The following ZNF652 variants were observed in gnomAD, a reference collection of about 807,000 sequenced individuals.
The protein encoded by ZNF652 is zinc finger protein 652.
In ZNF652, 16 loss-of-function variants were observed where a neutral mutation model predicts 45.2. The observed-to-expected ratio is 0.35, with a 90% CI of 0.24 to 0.54. The LOEUF is 0.54. ZNF652 is among the 20% of genes least tolerant of loss of function. ZNF652 has a pLI of 0.91. For synonymous variants in ZNF652, 250 were observed against 260.6 expected, an observed-to-expected ratio of 0.96 and a Z score of 0.39; for missense variants, 614 against 765.6, an observed-to-expected ratio of 0.80 and a Z score of 2.34.
rs989236175 is a variant in ZNF652 at position 49,296,158 on chromosome 17, G to C, written c.*2255C>G. On this transcript the variant is annotated 3_prime_UTR_variant, in exon 6 of 6. Transcript: ENST00000430262. Reference sequence around the variant, plus strand: ...CTAAAGATATAACAGTCATATGCAAGGAATTAACTTTCCTTATTGGCTTGG... The same window carrying C: ...CTAAAGATATAACAGTCATATGCAACGAATTAACTTTCCTTATTGGCTTGG... 3.3e-5 allele frequency: 5 copies of C among 152,296 alleles called. No homozygotes were observed. The highest frequency in any genetic ancestry group is 7.3e-5 in the African/African-American group (3 of 41,378). 9.4% of individuals were successfully genotyped at this position (152,296 alleles called of 1,614,324 possible).
chr17:49,336,290 T>C, intron 1 of ZNF652, among the ~76,000 whole-genome samples: 1 of 150,002 alleles, frequency 6.7e-6, no homozygotes, highest in South Asian at 2.1e-4. Flanking sequence ...CCCAGAGTGC[T>C]GGGATTACAG....
At chr17:49,326,466 A>C (rs1226073592) in intron 1 of ZNF652, among the ~76,000 whole-genome samples, 1 of 152,164 alleles carries the variant, frequency 6.6e-6, no homozygotes, top group African/African-American at 2.4e-5. Flanking sequence ...AAAGGTATTC[A>C]TCCTCCTAAG....
intron 5 of ZNF652, 24 bp downstream of exon 5, chr17:49,311,288 G>T (rs753597234): frequency 5.0e-6 from 8 of 1,612,476 alleles, no homozygotes. Flanking sequence ...GACATTATCT[G>T]TACCTTTCCC....
At chr17:49,305,108 A>G (rs2069611087) in intron 5 of ZNF652, among the ~76,000 whole-genome samples, 1 of 152,070 alleles carries the variant, frequency 6.6e-6, no homozygotes, top group Non-Finnish European at 1.5e-5. Flanking sequence ...TATACCCCAC[A>G]TCTGGGACTA....
At chr17:49,327,771 A>G (rs2069978565) in intron 1 of ZNF652, among the ~76,000 whole-genome samples, 3 of 3,524 alleles carry the variant, frequency 8.5e-4, no homozygotes, top group African/African-American at 5.2e-3. Context: ...ATATATATAT[A>G]TATATATATT....
At chr17:49,304,751 G>A (rs2069603683) in intron 5 of ZNF652, among the ~76,000 whole-genome samples, 1 of 152,054 alleles carries the variant, frequency 6.6e-6, no homozygotes, top group African/African-American at 2.4e-5. Flanking sequence ...AACCTACAGA[G>A]AAGATAGAAA....
In ZNF652 at chr17:49,303,247, C is replaced by CTTTTTTTTTTTTTTTTT. The variant is rs779042339; in HGVS notation, c.1310-4324_1310-4323insAAAAAAAAAAAAAAAAA. ...GTGATGTTTTATTCTTTACGCTTAT[C>CTTTTTTTTTTTTTTTTT]TTTTTTTTTTTGAGACAGGGTCTCA... On this transcript the variant is annotated intron_variant, in intron 5 of 5. Coordinates refer to ENST00000430262, the MANE Select transcript of ZNF652 (RefSeq NM_001145365.3). Among the ~76,000 whole-genome samples, 66 of 121,768 alleles carry CTTTTTTTTTTTTTTTTT rather than the reference C, an allele frequency of 5.4e-4. 5 individuals carry two copies. Among genetic ancestry groups the CTTTTTTTTTTTTTTTTT allele is most frequent in the East Asian group, 9.9e-4 (4 of 4,028 alleles). 79.9% of individuals were successfully genotyped at this position (121,768 alleles called of 152,430 possible). A position where few individuals can be genotyped will look rare whatever the true frequency, so the allele number is the denominator to read the frequency against.
chr17:49,313,041 C>T (rs2069739212), intron 2 of ZNF652, among the ~76,000 whole-genome samples, 196 bp from the exon 3 acceptor site: 1 of 152,194 alleles, frequency 6.6e-6, no homozygotes, highest in Admixed American at 6.5e-5. Flanking sequence ...TTTAGACACT[C>T]TTTGGGAGTA....
downstream of ZNF652, among the ~76,000 whole-genome samples, chr17:49,288,770 C>T (rs868639781): frequency 1.3e-5 from 2 of 151,926 alleles, no homozygotes; most frequent in Non-Finnish European, 2.9e-5. Flanking sequence ...GGAAAGATGC[C>T]TCATCCCAAG....
chr17:49,362,295 C>T (rs968865886), upstream of ZNF652: 1 of 150,918 alleles, frequency 6.6e-6, no homozygotes, highest in Non-Finnish European at 1.5e-5. Flanking sequence ...GGCCCCTTCC[C>T]TCGCTGGCCC....
chr17:49,338,275 T>C (rs2070107380), intron 1 of ZNF652, among the ~76,000 whole-genome samples: 1 of 151,974 alleles, frequency 6.6e-6, no homozygotes, highest in Admixed American at 6.6e-5. Flanking sequence ...CGTCAGCCAC[T>C]GCACTCCACC....
intron 5 of ZNF652, among the ~76,000 whole-genome samples, chr17:49,301,927 G>A (rs1229504887): frequency 6.6e-6 from 1 of 151,222 alleles, no homozygotes; most frequent in Non-Finnish European, 1.5e-5. Context: ...ATCAATTATA[G>A]TATATTTGTT....
intron 1 of ZNF652, among the ~76,000 whole-genome samples, chr17:49,339,266 G>C (rs1423079697): frequency 7.7e-6 from 1 of 129,264 alleles, no homozygotes; most frequent in Non-Finnish European, 1.6e-5. Flanking sequence ...GCAGTGGCAT[G>C]ATCTCGGCTC....
chr17:49,335,077 A>C (rs1396231165), intron 1 of ZNF652, among the ~76,000 whole-genome samples: 2 of 152,208 alleles, frequency 1.3e-5, no homozygotes, highest in Non-Finnish European at 2.9e-5. Context: ...AATATACCAA[A>C]AACTGCAGAC....
At chr17:49,349,013 G>GGAAC (rs1349189086) in intron 1 of ZNF652, among the ~76,000 whole-genome samples, 1 of 152,124 alleles carries the variant, frequency 6.6e-6, no homozygotes, top group African/African-American at 2.4e-5. Context: ...GCTAATGGAA[G>GGAAC]GAACACTTAA....
intron 1 of ZNF652, among the ~76,000 whole-genome samples, chr17:49,348,212 G>A (rs1459977239): frequency 6.6e-6 from 1 of 152,024 alleles, no homozygotes; most frequent in Admixed American, 6.6e-5. Context: ...CTGCAAGGAG[G>A]CTGCGCATGG....
At position 49,311,996 on chromosome 17, in the gene ZNF652, T is replaced by A; in HGVS notation, c.1095A>T (p.Ser365=). The A allele has an allele frequency of 6.2e-7, 1 of 1,614,030 alleles. No individual in the cohort carries two copies. Among genetic ancestry groups the A allele is most frequent in the Non-Finnish European group, 8.5e-7 (1 of 1,179,912 alleles). ...CCTTGAGTGACATACTGCGTTTGAA[T>A]GATTTTCCACAGGTTTCGCATGTAA... The part of the protein sequence containing the change: ...MPFTCETCGK[S]FKRSMSLKVH... Residue 365 remains serine (S), a synonymous_variant, in exon 4 of 6, where the codon TCA becomes TCT. Coordinates refer to ENST00000430262, the MANE Select transcript of ZNF652 (RefSeq NM_001145365.3).
chr17:49,360,114 T>G (rs2070377342), intron 1 of ZNF652, among the ~76,000 whole-genome samples: 1 of 152,240 alleles, frequency 6.6e-6, no homozygotes, highest in African/African-American at 2.4e-5. Flanking sequence ...CTCACATACA[T>G]TTCCTTTTTA....
Position 49,311,462 on chromosome 17 carries a change from T to C in ZNF652, c.1165-6A>G. 1 of 1,612,790 alleles carries C rather than the reference T, an allele frequency of 6.2e-7. No individual in the cohort carries two copies. The highest frequency in any genetic ancestry group is 8.5e-7 in the Non-Finnish European group (1 of 1,178,990). ...TGAAACCTTTCGTCACAGTTCTGCA[T>C]TGGATACAGTGGAGATTTTTGAATG... On this transcript the variant is annotated splice_polypyrimidine_tract_variant and splice_region_variant and intron_variant, in intron 4 of 5. Transcript: ENST00000430262.
Sources: gnomAD v4.1 joint callset for allele counts (sites outside exome capture counted in the v4.1 genomes callset) on GRCh38, gnomAD v4.1.1 for gene constraint, MANE v1.5 for transcripts, NCBI Gene and HGNC (gene_info 2026-07-23, HGNC 2026-07-21) for gene names.